Variants in MGAT4C observed in about 807,000 individuals in gnomAD.
The protein encoded by MGAT4C is MGAT4 family member C.
In MGAT4C, 19 loss-of-function variants were observed where a neutral mutation model predicts 40.1. That is an observed-to-expected ratio of 0.47 (90% confidence interval 0.33 to 0.70). The LOEUF (loss-of-function observed/expected upper bound fraction) is 0.70. Among genes scored for constraint, MGAT4C ranks in the 30% least tolerant of loss-of-function variants. MGAT4C has a pLI of 0.02. For synonymous variants in MGAT4C, 181 were observed against 187.1 expected, an observed-to-expected ratio of 0.97 and a Z score of 0.27; for missense variants, 491 against 563.2, an observed-to-expected ratio of 0.87 and a Z score of 1.30.
intron 2 of MGAT4C, among the ~76,000 whole-genome samples, chr12:86,516,285 A>G (rs867830403): frequency 7.2e-5 from 11 of 152,204 alleles, no homozygotes; most frequent in African/African-American, 2.7e-4. Context: ...GATTCCAAGT[A>G]TAAATCCTTG....
chr12:86,231,176 T>C (rs1951308217), intron 1 of MGAT4C, among the ~76,000 whole-genome samples: 1 of 152,192 alleles, frequency 6.6e-6, no homozygotes, highest in African/African-American at 2.4e-5. Context: ...TTCTAAAACA[T>C]TCCCTTTAGC....
At chr12:86,769,906 A>C (rs1951597405) in intron 1 of MGAT4C, among the ~76,000 whole-genome samples, 1 of 152,102 alleles carries the variant, frequency 6.6e-6, no homozygotes. Context: ...AGATATACCT[A>C]ATGCTAAATG....
intron 1 of MGAT4C, among the ~76,000 whole-genome samples, chr12:86,185,466 C>T (rs1325842395): frequency 6.6e-6 from 1 of 152,070 alleles, no homozygotes; most frequent in Non-Finnish European, 1.5e-5. Flanking sequence ...TTTAGCAAGT[C>T]TTGGGAGCAC....
At position 85,976,612 on chromosome 12, in the gene MGAT4C, C is replaced by G. The variant is rs1884000390; in HGVS notation, c.*2677G>C. On this transcript the variant is annotated 3_prime_UTR_variant, in exon 5 of 5. Transcript: ENST00000611864. Reference sequence around the variant, plus strand: ...TGACTCAGCCATTCATGTCTCATGCCAGTCTTTTTCAATTGTTATTTTTAA... The same window carrying G: ...TGACTCAGCCATTCATGTCTCATGCGAGTCTTTTTCAATTGTTATTTTTAA... 1 of 146,286 alleles carries G rather than the reference C, an allele frequency of 6.8e-6. No homozygotes were observed. The allele number at this position is 146,286 out of a possible 1,614,324, so 9.1% of individuals were successfully genotyped here. A position where few individuals can be genotyped will look rare whatever the true frequency, so the allele number is the denominator to read the frequency against.
intron 2 of MGAT4C, among the ~76,000 whole-genome samples, chr12:86,593,135 C>T (rs996118097): frequency 6.6e-6 from 1 of 151,526 alleles, no homozygotes; most frequent in African/African-American, 2.4e-5. Context: ...GGAAGTTGTC[C>T]ATTTCACCAA....
intron 2 of MGAT4C, among the ~76,000 whole-genome samples, chr12:86,436,187 A>G (rs1205440070): frequency 6.6e-6 from 1 of 151,796 alleles, no homozygotes; most frequent in Non-Finnish European, 1.5e-5. Context: ...TTGCATTTTT[A>G]TATCTGGTAT....
Position 86,178,138 on chromosome 12 carries a change from G to A in MGAT4C, c.-57+78101C>T, listed in dbSNP as rs200857882. 1.2e-4 allele frequency among the ~76,000 whole-genome samples: 19 copies of A among 152,188 alleles called. No homozygotes were observed. In the South Asian group the frequency reaches 1.7e-3, roughly 13 times the overall value. ...TTTTTGGTAGAGACAGGGTTTCACC[G>A]TGTTAGCCAGGATGGTCTTGATCTC... On this transcript the variant is annotated intron_variant, in intron 1 of 4. Transcript: ENST00000611864.
intron 2 of MGAT4C, among the ~76,000 whole-genome samples, chr12:86,508,566 A>G (rs1191116848): frequency 2.6e-5 from 4 of 152,090 alleles, no homozygotes; most frequent in African/African-American, 9.7e-5. Context: ...TCCTTTGGGT[A>G]TATACCCAGT....
chr12:86,801,020 A>C (rs1177754128), intron 1 of MGAT4C, among the ~76,000 whole-genome samples: 1 of 151,880 alleles, frequency 6.6e-6, no homozygotes, highest in Non-Finnish European at 1.5e-5. Context: ...AAATCCTCTT[A>C]GGTCTGTTTA....
rs758511310 is a variant in MGAT4C at position 86,203,800 on chromosome 12, A to G, written c.-57+52439T>C. ...TGGTGAAACCCCGTCTCTACTACCAATACAAAATTAGCTGGGCGTGGTGGT... is the reference window on the plus strand; with the variant it reads ...TGGTGAAACCCCGTCTCTACTACCAGTACAAAATTAGCTGGGCGTGGTGGT... On this transcript the variant is annotated intron_variant, in intron 1 of 4. Transcript: ENST00000611864. 3.3e-5 allele frequency among the ~76,000 whole-genome samples: 5 copies of G among 151,736 alleles called. No homozygotes were observed. In the South Asian group the frequency reaches 6.2e-4, roughly 19 times the overall value.
intron 2 of MGAT4C, among the ~76,000 whole-genome samples, chr12:86,465,417 T>G (rs1957665297): frequency 6.6e-6 from 1 of 151,980 alleles, no homozygotes; most frequent in African/African-American, 2.4e-5. Context: ...TGCAAATAAT[T>G]CTGCCAAGAA....
chr12:86,303,768 T>A (rs1485864441), intron 4 of MGAT4C, among the ~76,000 whole-genome samples: 2 of 150,482 alleles, frequency 1.3e-5, no homozygotes, highest in African/African-American at 2.5e-5. Context: ...ATACACTAAT[T>A]TCATTTTACT....
chr12:85,981,385 A>G (rs1416143517), intron 4 of MGAT4C, among the ~76,000 whole-genome samples: 1 of 152,146 alleles, frequency 6.6e-6, no homozygotes, highest in Non-Finnish European at 1.5e-5. Context: ...TATATACAAC[A>G]AGATCATCGT....
rs2136643706 is a variant in MGAT4C, at chr12:85,962,008, C to T, written c.*17281G>A. The stretch of plus-strand genomic sequence containing the variant: ...GTATCTGAATGGAACATGTGGTAAA[C>T]ACAACAGTAGAATATACCTACAGTC... On this transcript the variant is annotated 3_prime_UTR_variant, in exon 5 of 5. Transcript: ENST00000611864. 1 of 151,948 alleles carries T rather than the reference C, an allele frequency of 6.6e-6. No individual in the cohort carries two copies. Among genetic ancestry groups the T allele is most frequent in the East Asian group, 1.9e-4 (1 of 5,180 alleles). The allele number at this position is 151,948 out of a possible 1,614,324, so 9.4% of individuals were successfully genotyped here.
chr12:86,219,769 C>T (rs1265292679), intron 1 of MGAT4C, among the ~76,000 whole-genome samples: 1 of 152,180 alleles, frequency 6.6e-6, no homozygotes, highest in South Asian at 2.1e-4. Flanking sequence ...GTCAGATTCA[C>T]TCCTGCCGGA....
At chr12:86,724,421 A>G (rs994714321) in intron 2 of MGAT4C, among the ~76,000 whole-genome samples, 1 of 152,306 alleles carries the variant, frequency 6.6e-6, no homozygotes, top group East Asian at 1.9e-4. Flanking sequence ...GGGTCATCCA[A>G]TGCTTTAAAT....
intron 3 of MGAT4C, among the ~76,000 whole-genome samples, chr12:86,411,235 C>T (rs1290578588): frequency 6.6e-6 from 1 of 152,002 alleles, no homozygotes; most frequent in Non-Finnish European, 1.5e-5. Context: ...GGGTAATGGA[C>T]AGAGGTTGGA....
At chr12:86,832,843 G>A (rs570737611) in intron 1 of MGAT4C, among the ~76,000 whole-genome samples, 8 of 151,914 alleles carry the variant, frequency 5.3e-5, no homozygotes, top group Middle Eastern at 3.4e-3. Context: ...AAGTACTCTG[G>A]AAGGTTGCTA....
chr12:86,091,345 T>C (rs1269578896), intron 1 of MGAT4C, among the ~76,000 whole-genome samples: 3 of 151,950 alleles, frequency 2.0e-5, no homozygotes, highest in African/African-American at 4.8e-5. Context: ...TTAACCATTT[T>C]CCCCCCACTG....
Sources: allele counts gnomAD v4.1 joint callset (sites outside exome capture counted in the v4.1 genomes callset), GRCh38; gene constraint gnomAD v4.1.1; transcripts MANE v1.5; gene names NCBI Gene and HGNC (gene_info 2026-07-23, HGNC 2026-07-21).